SIL1: variants seen among roughly 807,000 people sequenced by gnomAD.
SIL1 encodes the protein nucleotide exchange factor SIL1.
In SIL1, 40 loss-of-function variants were observed where a neutral mutation model predicts 49.1. The ratio of observed to expected loss-of-function variants is 0.81; its 90% CI spans 0.63 to 1.06. SIL1 has a LOEUF of 1.06. Among genes scored for constraint, SIL1 ranks in the 50% least tolerant of loss-of-function variants. The pLI is 0.00. For synonymous variants in SIL1, 253 were observed against 250.8 expected, an observed-to-expected ratio of 1.01 and a Z score of -0.08; for missense variants, 500 against 572.6, an observed-to-expected ratio of 0.87 and a Z score of 1.29.
intron 1 of SIL1, among the ~76,000 whole-genome samples, chr5:139,153,798 C>T (rs1751353876): frequency 6.6e-6 from 1 of 152,228 alleles, no homozygotes; most frequent in Non-Finnish European, 1.5e-5. Flanking sequence ...TGATAAGTGT[C>T]ATAACGGTGA....
chr5:139,197,255 C>G (rs546721288), intron 1 of SIL1, among the ~76,000 whole-genome samples: 1 of 115,084 alleles, frequency 8.7e-6, no homozygotes, highest in African/African-American at 3.5e-5. Context: ...GAAACAAGAG[C>G]GAAACTCCGC....
intron 1 of SIL1, among the ~76,000 whole-genome samples, chr5:139,170,466 G>A (rs1449589865): frequency 2.0e-4 from 30 of 150,876 alleles, no homozygotes; most frequent in Admixed American, 1.6e-3. Context: ...AGTGAGGAGC[G>A]TCTCTGCCCG....
chr5:139,054,707 G>A lies in SIL1; in HGVS notation c.245-3661C>T, dbSNP rs538352049. Reference sequence around the variant, plus strand: ...TAATAGGTTATAGTGTGCTAAGCTCGCCAAAGAAGAGACTAGGTTCTTATG... The same window carrying A: ...TAATAGGTTATAGTGTGCTAAGCTCACCAAAGAAGAGACTAGGTTCTTATG... On this transcript the variant is annotated intron_variant, in intron 3 of 9. Transcript: ENST00000394817. Among the ~76,000 whole-genome samples, 150 of 152,278 alleles carry A rather than the reference G, an allele frequency of 9.9e-4. 1 individual carries two copies. The highest frequency in any genetic ancestry group is 3.3e-3 in the African/African-American group (136 of 41,556).
At chr5:139,120,453 C>T (rs1027203758) in intron 3 of SIL1, among the ~76,000 whole-genome samples, 1 of 152,122 alleles carries the variant, frequency 6.6e-6, no homozygotes, top group Non-Finnish European at 1.5e-5. Context: ...ATACGAAGCA[C>T]CTAGTACAGT....
At chr5:138,967,310 G>A (rs990671675) in intron 7 of SIL1, among the ~76,000 whole-genome samples, 2 of 152,222 alleles carry the variant, frequency 1.3e-5, no homozygotes, top group Non-Finnish European at 2.9e-5. Flanking sequence ...AACCATTAGG[G>A]GAGGGGCCTG....
At chr5:139,085,708 C>A (rs2151773153) in intron 3 of SIL1, among the ~76,000 whole-genome samples, 1 of 152,174 alleles carries the variant, frequency 6.6e-6, no homozygotes, top group African/African-American at 2.4e-5. Context: ...GACTGTGGAG[C>A]ATGAATGGGA....
intron 3 of SIL1, among the ~76,000 whole-genome samples, chr5:139,115,165 A>C (rs987104001): frequency 1.3e-5 from 2 of 152,180 alleles, no homozygotes; most frequent in Admixed American, 6.5e-5. Context: ...CCTGCCTCCC[A>C]ACCACAGACC....
chr5:139,012,582 C>G (rs934737275), intron 7 of SIL1: 1 of 152,200 alleles, frequency 6.6e-6, no homozygotes, highest in African/African-American at 2.4e-5. Context: ...TTCATATTAT[C>G]AAATATCAAG....
At chr5:139,061,172 T>C (rs753594704) in intron 3 of SIL1, among the ~76,000 whole-genome samples, 5 of 152,204 alleles carry the variant, frequency 3.3e-5, no homozygotes, top group Non-Finnish European at 5.9e-5. Context: ...CTCATCCCAG[T>C]GTCCAGTGCT....
intron 3 of SIL1, among the ~76,000 whole-genome samples, chr5:139,107,096 C>T (rs1022313954): frequency 2.0e-5 from 3 of 152,278 alleles, no homozygotes; most frequent in South Asian, 4.1e-4. Flanking sequence ...TGTATGGCCC[C>T]GCTGCAGGAT....
intron 3 of SIL1, among the ~76,000 whole-genome samples, chr5:139,112,971 G>C (rs1465530071): frequency 1.3e-5 from 2 of 152,344 alleles, no homozygotes; most frequent in South Asian, 2.1e-4. Flanking sequence ...CTTCTGCCTT[G>C]GGATGCTGTT....
chr5:139,059,512 C>A (rs1240207880), intron 3 of SIL1, among the ~76,000 whole-genome samples: 1 of 152,120 alleles, frequency 6.6e-6, no homozygotes, highest in Non-Finnish European at 1.5e-5. Context: ...ATATTCTAAA[C>A]CACATATACA....
chr5:139,001,628 C>T (rs140182038), intron 7 of SIL1, among the ~76,000 whole-genome samples: 3,009 of 152,266 alleles, frequency 0.02, 33 homozygotes, highest in Admixed American at 0.03. Context: ...TACTGCCAGG[C>T]GGGCACAGTG....
intron 3 of SIL1, among the ~76,000 whole-genome samples, chr5:139,057,017 C>T (rs1252381763): frequency 2.0e-5 from 3 of 152,104 alleles, no homozygotes; most frequent in Non-Finnish European, 2.9e-5. Context: ...GGTGACCTTA[C>T]CCCCAACCCT....
chr5:138,954,719 C>T (rs576850488), intron 7 of SIL1, among the ~76,000 whole-genome samples: 1 of 152,244 alleles, frequency 6.6e-6, no homozygotes, highest in Non-Finnish European at 1.5e-5. Context: ...TGCTCACAGC[C>T]TGGGGCTGGG....
chr5:139,052,285 G>A (rs1005596899), intron 3 of SIL1, among the ~76,000 whole-genome samples: 1 of 152,130 alleles, frequency 6.6e-6, no homozygotes, highest in Non-Finnish European at 1.5e-5. Flanking sequence ...TGTTCCTGCC[G>A]TCCCACTTCA....
chr5:139,130,857 A>G (rs1023543664), intron 1 of SIL1, among the ~76,000 whole-genome samples: 1 of 152,246 alleles, frequency 6.6e-6, no homozygotes, highest in Non-Finnish European at 1.5e-5. Flanking sequence ...CCCAAGTGAA[A>G]TAAGTCAGAC....
At chr5:139,116,761 G>A (rs1023856552) in intron 3 of SIL1, among the ~76,000 whole-genome samples, 5 of 152,326 alleles carry the variant, frequency 3.3e-5, no homozygotes, top group Middle Eastern at 3.4e-3. Context: ...ACATTCGCAC[G>A]CCACTGTGCC....
At chr5:139,170,926 AG>A (rs1751747563) in intron 1 of SIL1, among the ~76,000 whole-genome samples, 3 of 148,244 alleles carry the variant, frequency 2.0e-5, no homozygotes, top group Admixed American at 6.6e-5. Flanking sequence ...CTGCCCAGCC[AG>A]CCGCCCCGTC....
Sources: gnomAD v4.1 joint callset for allele counts (sites outside exome capture counted in the v4.1 genomes callset) on GRCh38, gnomAD v4.1.1 for gene constraint, MANE v1.5 for transcripts, NCBI Gene and HGNC (gene_info 2026-07-23, HGNC 2026-07-21) for gene names.